Variants in CTTNBP2 observed in about 807,000 individuals in gnomAD.
CTTNBP2 encodes cortactin binding protein 2.
In CTTNBP2, 108 loss-of-function variants were observed where a neutral mutation model predicts 156.9. The observed-to-expected ratio is 0.69, with a 90% CI of 0.59 to 0.81. The LOEUF (loss-of-function observed/expected upper bound fraction) is 0.81. Among genes scored for constraint, CTTNBP2 ranks in the 30% least tolerant of loss-of-function variants. The pLI, the probability that CTTNBP2 is intolerant of heterozygous loss-of-function variation, is 0.00. For missense variants in CTTNBP2, 1,924 were observed against 2,035.4 expected, an observed-to-expected ratio of 0.95 and a Z score of 1.05; for synonymous variants, 767 against 751.8, an observed-to-expected ratio of 1.02 and a Z score of -0.33.
intron 2 of CTTNBP2, among the ~76,000 whole-genome samples, chr7:117,829,333 T>C (rs1230248975): frequency 1.3e-5 from 2 of 152,176 alleles, no homozygotes; most frequent in Non-Finnish European, 2.9e-5. Context: ...GCAAAAATAA[T>C]AAAGTTAGGA....
At chr7:117,809,586 C>T (rs1800144424) in intron 3 of CTTNBP2, among the ~76,000 whole-genome samples, 1 of 152,088 alleles carries the variant, frequency 6.6e-6, no homozygotes, top group East Asian at 1.9e-4. Context: ...CTGATTTTGC[C>T]TTACATCTAT....
Position 117,792,856 on chromosome 7 carries a change from A to ATT in CTTNBP2, c.415-77_415-76dup. On this transcript the variant is annotated intron_variant, in intron 3 of 22. Transcript: ENST00000160373. This position sits in a 1 kb window ranked among gnomAD's most constrained non-coding sequence, Gnocchi z 4.2. ...TCACCAAGGAAATGCTTTTTGTGAG[A>ATT]TTTTTATTAATTTTCTAACAATTAC... 9.5e-7 allele frequency: 1 copy of ATT among 1,048,012 alleles called. No homozygotes were observed. The highest frequency in any genetic ancestry group is 1.3e-6 in the Non-Finnish European group (1 of 774,454). 64.9% of individuals were successfully genotyped at this position (1,048,012 alleles called of 1,614,324 possible).
At chr7:117,838,628 C>A (rs1802091041) in intron 2 of CTTNBP2, among the ~76,000 whole-genome samples, 1 of 151,866 alleles carries the variant, frequency 6.6e-6, no homozygotes, top group Non-Finnish European at 1.5e-5. Flanking sequence ...AACAACTGAC[C>A]AGCTATTTAA....
chr7:117,835,663 T>C (rs533421609), intron 2 of CTTNBP2, among the ~76,000 whole-genome samples: 3 of 152,216 alleles, frequency 2.0e-5, no homozygotes, highest in Non-Finnish European at 2.9e-5. Flanking sequence ...CTCAATTGAA[T>C]TGTTAAATTT....
chr7:117,735,494 G>T lies in CTTNBP2; in HGVS notation c.3536-73C>A, dbSNP rs1795638543. On this transcript the variant is annotated intron_variant, in intron 14 of 22. Coordinates refer to ENST00000160373, the MANE Select transcript of CTTNBP2 (RefSeq NM_033427.3). ...TATACAAATTGGCAAAACTAAAAAA[G>T]TCTGAAGTTATAAAGCATTAGCAAA... 3.0e-5 allele frequency: 40 copies of T among 1,327,670 alleles called. 1 individual carries two copies. In the South Asian group the frequency reaches 5.0e-4, roughly 17 times the overall value. The allele number at this position is 1,327,670 out of a possible 1,614,324, so 82.2% of individuals were successfully genotyped here.
chr7:117,794,058 C>G (rs1204174613), intron 3 of CTTNBP2, among the ~76,000 whole-genome samples: 1 of 152,182 alleles, frequency 6.6e-6, no homozygotes, highest in African/African-American at 2.4e-5. Flanking sequence ...TCCTTAAGAC[C>G]TAGAACAGTG....
At chr7:117,802,873 C>CA (rs888009734) in intron 3 of CTTNBP2, among the ~76,000 whole-genome samples, 13 of 152,012 alleles carry the variant, frequency 8.6e-5, no homozygotes, top group African/African-American at 3.1e-4. Flanking sequence ...AATAAAAAGT[C>CA]AAAAAAATAA....
At chr7:117,790,754 G>A (rs538242633) in intron 4 of CTTNBP2, among the ~76,000 whole-genome samples, 4 of 152,096 alleles carry the variant, frequency 2.6e-5, no homozygotes, top group Non-Finnish European at 2.9e-5. Flanking sequence ...AATTGAACAC[G>A]TACTGTCTGA....
chr7:117,758,079 T>C (rs1796987697), intron 10 of CTTNBP2, 109 bp from the exon 11 acceptor site: 1 of 762,698 alleles, frequency 1.3e-6, no homozygotes, highest in Non-Finnish European at 2.1e-6. Flanking sequence ...TTCAGAGCTT[T>C]AATTGTCAAA....
intron 2 of CTTNBP2, among the ~76,000 whole-genome samples, chr7:117,855,821 C>T (rs1328358479): frequency 6.6e-6 from 1 of 152,176 alleles, no homozygotes; most frequent in Non-Finnish European, 1.5e-5. Flanking sequence ...CTAGATGGCA[C>T]TATACAGAAC....
In CTTNBP2 at chr7:117,760,504, C is replaced by T. The variant is rs76129361; in HGVS notation, c.3103G>A (p.Val1035Met). 681 of 1,614,122 alleles carry T rather than the reference C, an allele frequency of 4.2e-4. 1 individual carries two copies. The African/African-American group carries it at 7.7e-3, about 18-fold the overall frequency. The change falls in exon 10 of 23, where the codon GTG (valine) becomes ATG (methionine). Residue 1035 changes from valine to methionine, a missense_variant. Transcript: ENST00000160373. ...GAATCAGTGGTGTTATTGCAAGTCA[C>T]GTCTTCCAGACTCCACCATCCATCA... ...SSDGWWSLED[V>M]TCNNTTDSNI...
At position 117,767,177 on chromosome 7, in the gene CTTNBP2, C is replaced by A. The variant is rs143692800; in HGVS notation, c.2779-1G>T. 1 of 1,551,388 alleles carries A rather than the reference C, an allele frequency of 6.4e-7. No homozygotes were observed. The highest frequency in any genetic ancestry group is 8.9e-7 in the Non-Finnish European group (1 of 1,122,816). On this transcript the variant is annotated splice_acceptor_variant, in intron 8 of 22. Coordinates refer to ENST00000160373, the MANE Select transcript of CTTNBP2 (RefSeq NM_033427.3). LOFTEE classifies it high-confidence loss of function. ...GCCTACACAAGATTTCTAGGCAGTT[C>A]TATAAAGACAAGAGCTCTATTACCT...
intron 4 of CTTNBP2, among the ~76,000 whole-genome samples, chr7:117,789,588 C>A (rs1366444938): frequency 6.6e-6 from 1 of 152,050 alleles, no homozygotes; most frequent in Non-Finnish European, 1.5e-5. Flanking sequence ...CATTTTGGAT[C>A]AAAAATATAG....
intron 22 of CTTNBP2, among the ~76,000 whole-genome samples, chr7:117,712,709 G>T (rs970979459): frequency 5.3e-5 from 8 of 152,122 alleles, no homozygotes; most frequent in Admixed American, 3.3e-4. Context: ...GCATTCTCCT[G>T]GGTATCGTCT....
chr7:117,777,784 G>A lies in CTTNBP2; in HGVS notation c.2524-19C>T, dbSNP rs972941473. The A allele has an allele frequency of 4.4e-6, 7 of 1,595,560 alleles. No homozygotes were observed. Among genetic ancestry groups the A allele is most frequent in the Non-Finnish European group, 5.1e-6 (6 of 1,168,636 alleles). On this transcript the variant is annotated intron_variant, in intron 7 of 22. Coordinates refer to ENST00000160373, the MANE Select transcript of CTTNBP2 (RefSeq NM_033427.3). The stretch of plus-strand genomic sequence containing the variant: ...AGCCATCCTGAAAATAAAATGACCA[G>A]GGGGAAAGGGTTGATAACAACATTA...
At chr7:117,772,269 A>T (rs1331403979) in intron 8 of CTTNBP2, among the ~76,000 whole-genome samples, 1 of 152,242 alleles carries the variant, frequency 6.6e-6, no homozygotes, top group Non-Finnish European at 1.5e-5. Context: ...GGGCTCCCTT[A>T]GGACAGCACT....
At chr7:117,807,316 A>G (rs1372845958) in intron 3 of CTTNBP2, among the ~76,000 whole-genome samples, 1 of 152,232 alleles carries the variant, frequency 6.6e-6, no homozygotes, top group African/African-American at 2.4e-5. Flanking sequence ...TACTGAATGA[A>G]AGTCTAAAAA....
chr7:117,753,775 G>A (rs1008887172), intron 12 of CTTNBP2, among the ~76,000 whole-genome samples: 20 of 152,150 alleles, frequency 1.3e-4, no homozygotes, highest in East Asian at 1.9e-4. Flanking sequence ...GGGGGCTGGC[G>A]GGAGGGAGAG....
chr7:117,788,330 G>C (rs370605564), intron 4 of CTTNBP2, among the ~76,000 whole-genome samples: 4 of 152,154 alleles, frequency 2.6e-5, no homozygotes, highest in African/African-American at 9.7e-5. Flanking sequence ...GCTCTCTAGG[G>C]TGATACTTAG....
Sources: gnomAD v4.1 joint callset for allele counts (sites outside exome capture counted in the v4.1 genomes callset) on GRCh38, gnomAD v4.1.1 for gene constraint, Gnocchi (gnomAD v3.1) non-coding constraint, MANE v1.5 for transcripts, NCBI Gene and HGNC (gene_info 2026-07-23, HGNC 2026-07-21) for gene names.